Variants in ZMYM2 observed in about 807,000 individuals in gnomAD.
ZMYM2 encodes zinc finger MYM-type containing 2.
ZMYM2 carries 56 observed loss-of-function variants against 162.8 expected under a neutral mutation model. The observed-to-expected ratio is 0.34, with a 90% confidence interval of 0.28 to 0.43. ZMYM2 has a LOEUF of 0.43. Among genes scored for constraint, ZMYM2 ranks in the 20% least tolerant of loss-of-function variants. The pLI, the probability that ZMYM2 is intolerant of heterozygous loss-of-function variation, is 1.00. For synonymous variants in ZMYM2, 510 were observed against 541.6 expected, an observed-to-expected ratio of 0.94 and a Z score of 0.81; for missense variants, 1,275 against 1,621.8, an observed-to-expected ratio of 0.79 and a Z score of 3.67.
intron 2 of ZMYM2, among the ~76,000 whole-genome samples, chr13:19,990,225 A>G (rs1172730579): frequency 6.6e-6 from 1 of 152,232 alleles, no homozygotes; most frequent in Non-Finnish European, 1.5e-5. Flanking sequence ...TGTGCCTAGA[A>G]AGTATCTTGT....
chr13:20,046,579 A>ATGTGTGTGTGTGTGTG (rs1354962013), intron 12 of ZMYM2, among the ~76,000 whole-genome samples: 1 of 41,096 alleles, frequency 2.4e-5, no homozygotes, highest in Non-Finnish European at 6.2e-5. Flanking sequence ...ATATATATAT[A>ATGTGTGTGTGTGTGTG]TATGTGTGTG....
the ZMYM2 span, among the ~76,000 whole-genome samples, chr13:19,884,930 C>T: frequency 2.0e-5 from 3 of 152,150 alleles, no homozygotes. Context: ...GTCCATTTTA[C>T]AGAGTGCTGA....
At chr13:20,011,323 G>GAAT (rs1403970882) in intron 6 of ZMYM2, among the ~76,000 whole-genome samples, 4 of 152,020 alleles carry the variant, frequency 2.6e-5, no homozygotes, top group African/African-American at 9.7e-5. Flanking sequence ...TCAAACTTTA[G>GAAT]AATATTTACA....
chr13:20,008,199 A>C (rs1594324436), intron 6 of ZMYM2, among the ~76,000 whole-genome samples: 1 of 152,096 alleles, frequency 6.6e-6, no homozygotes, highest in African/African-American at 2.4e-5. Context: ...GTGCAATCTC[A>C]GCTCACTGCA....
At chr13:20,055,517 CA>C (rs1362899000) in intron 14 of ZMYM2, among the ~76,000 whole-genome samples, 4 of 152,028 alleles carry the variant, frequency 2.6e-5, no homozygotes, top group African/African-American at 9.7e-5. Context: ...GAAGGGCCAG[CA>C]AGTGTGGTGT....
chr13:19,989,233 T>C (rs1464757868), intron 2 of ZMYM2, among the ~76,000 whole-genome samples: 2 of 152,212 alleles, frequency 1.3e-5, no homozygotes, highest in Non-Finnish European at 2.9e-5. Context: ...ATTTTTAATT[T>C]TTGTGGGTAC....
chr13:20,061,027 T>C (rs1956188520), intron 16 of ZMYM2, 26 bp from the exon 17 acceptor site: 1 of 1,589,316 alleles, frequency 6.3e-7, no homozygotes, highest in Non-Finnish European at 8.6e-7. Context: ...TTAGTAAACC[T>C]AACTCAAAAT....
chr13:19,989,535 C>T (rs1207339919), intron 2 of ZMYM2, among the ~76,000 whole-genome samples: 2 of 152,148 alleles, frequency 1.3e-5, no homozygotes, highest in Non-Finnish European at 2.9e-5. Context: ...AACTCCGGAC[C>T]TCAAGTGATC....
the ZMYM2 span, among the ~76,000 whole-genome samples, chr13:19,895,278 A>G: frequency 1.1e-4 from 16 of 151,942 alleles, no homozygotes; most frequent in Middle Eastern, 3.4e-3. Context: ...TAAAATTACC[A>G]TATCATCATA....
At chr13:20,037,285 G>A (rs1003337365) in intron 12 of ZMYM2, among the ~76,000 whole-genome samples, 2 of 136,390 alleles carry the variant, frequency 1.5e-5, no homozygotes, top group African/African-American at 5.7e-5. Flanking sequence ...GCACCATCTC[G>A]GCTCACTGCA....
rs1162681807 is a variant in ZMYM2, at chr13:19,993,667, G to T, written c.595G>T (p.Asp199Tyr). The T allele has an allele frequency of 6.2e-7, 1 of 1,614,006 alleles. No individual in the cohort carries two copies. The highest frequency in any genetic ancestry group is 8.5e-7 in the Non-Finnish European group (1 of 1,179,898). ...AGAAACAGGTGTAAGCTCTGTGAATGATGGCCAATTAGAAAATACTGACGG... is the reference window on the plus strand; with the variant it reads ...AGAAACAGGTGTAAGCTCTGTGAATTATGGCCAATTAGAAAATACTGACGG... ...TLETGVSSVN[D>Y]GQLENTDGRD... The change falls in exon 3 of 25, where the codon GAT (aspartate) becomes TAT (tyrosine). Residue 199 changes from aspartate (D) to tyrosine (Y), a missense_variant. Physicochemically the swap from Asp to Tyr is radical, Grantham distance 160. Coordinates refer to ENST00000610343, the MANE Select transcript of ZMYM2 (RefSeq NM_197968.4).
chr13:19,978,126 C>CT (rs1956957135), intron 2 of ZMYM2, among the ~76,000 whole-genome samples: 1 of 152,072 alleles, frequency 6.6e-6, no homozygotes. Context: ...ATCCTCCCAC[C>CT]TTGGCCTCCC....
In ZMYM2 at chr13:20,068,621, CT is replaced by C. The variant is rs776107691; in HGVS notation, c.3453+1235del. Among the ~76,000 whole-genome samples the C allele has an allele frequency of 4.6e-5, 7 of 152,190 alleles. 1 individual carries two copies. The highest frequency in any genetic ancestry group is 1.3e-4 in the Admixed American group (2 of 15,290). Reference sequence around the variant, plus strand: ...CCATGTGTGTATTTTCCCTCCTCTTCTTTTATTATACCTAGGAGGGAGGGGG... The same window carrying C: ...CCATGTGTGTATTTTCCCTCCTCTTCTTTATTATACCTAGGAGGGAGGGGG... On this transcript the variant is annotated intron_variant, in intron 21 of 24. Coordinates refer to ENST00000610343, the MANE Select transcript of ZMYM2 (RefSeq NM_197968.4).
At chr13:19,945,914 A>C in the ZMYM2 span, among the ~76,000 whole-genome samples, 5 of 139,602 alleles carry the variant, frequency 3.6e-5, no homozygotes, top group South Asian at 4.6e-4. Flanking sequence ...GTGCCATTGC[A>C]CTCCAGCCTG....
Position 19,993,929 on chromosome 13 carries a change from AAG to A in ZMYM2, c.847+14_847+15del. On this transcript the variant is annotated intron_variant, in intron 3 of 24. Transcript: ENST00000610343. Reference sequence around the variant, plus strand: ...ACTCATCATAATCCTGGTAAGCAGTAAGAGATACTCTACTTCATGTAAATGAA... The same window carrying A: ...ACTCATCATAATCCTGGTAAGCAGTAAGATACTCTACTTCATGTAAATGAA... 6.3e-7 allele frequency: 1 copy of A among 1,599,904 alleles called. No homozygotes were observed. Among genetic ancestry groups the A allele is most frequent in the Non-Finnish European group, 8.5e-7 (1 of 1,175,174 alleles).
chr13:20,026,672 A>G lies in ZMYM2; in HGVS notation c.1645A>G (p.Thr549Ala), dbSNP rs1376593895. The change falls in exon 8 of 25, where the codon ACT becomes GCT. Residue 549 changes from threonine to alanine, a missense_variant. By Grantham distance (58) the Thr-to-Ala change is moderately conservative. Coordinates refer to ENST00000610343, the MANE Select transcript of ZMYM2 (RefSeq NM_197968.4). ...AACACAGTGCAGGTTTTTTGATATG[A>G]CTCAGTGTATAGGTCCTAATGGATA... Reference protein sequence around the residue: ...CRTQCRFFDMTQCIGPNGYME... With the variant: ...CRTQCRFFDMAQCIGPNGYME... The G allele has an allele frequency of 1.9e-6, 3 of 1,610,616 alleles. No homozygotes were observed. The highest frequency in any genetic ancestry group is 2.5e-6 in the Non-Finnish European group (3 of 1,179,118).
the ZMYM2 span, among the ~76,000 whole-genome samples, chr13:19,910,593 T>C: frequency 6.6e-6 from 1 of 151,278 alleles, no homozygotes; most frequent in African/African-American, 2.4e-5. Flanking sequence ...TGGTGTGATC[T>C]TGGCTCACTG....
chr13:19,904,880 C>G, the ZMYM2 span, among the ~76,000 whole-genome samples: 4 of 152,122 alleles, frequency 2.6e-5, no homozygotes, highest in Non-Finnish European at 4.4e-5. Context: ...CCTTTTTAAG[C>G]AGAATAATAT....
At chr13:19,973,447 G>A (rs1012662702) in intron 2 of ZMYM2, among the ~76,000 whole-genome samples, 2 of 151,856 alleles carry the variant, frequency 1.3e-5, no homozygotes, top group Non-Finnish European at 2.9e-5. Context: ...AAGGCAGGTG[G>A]ATCTCCTGAG....
Sources: allele counts gnomAD v4.1 joint callset (sites outside exome capture counted in the v4.1 genomes callset), GRCh38; gene constraint gnomAD v4.1.1; transcripts MANE v1.5; gene names NCBI Gene and HGNC (gene_info 2026-07-23, HGNC 2026-07-21).